ARHGAP39: variants seen among roughly 807,000 people sequenced by gnomAD.
The protein encoded by ARHGAP39 is Rho GTPase activating protein 39.
A neutral mutation model predicts 106.9 loss-of-function variants in ARHGAP39; 44 were observed. That is an observed-to-expected ratio of 0.41 (90% confidence interval 0.32 to 0.53). The LOEUF (loss-of-function observed/expected upper bound fraction) is 0.53. Ranked by LOEUF, ARHGAP39 falls within the 20% of genes least tolerant of loss-of-function variation. The pLI, the probability that ARHGAP39 is intolerant of heterozygous loss-of-function variation, is 0.21. For synonymous variants in ARHGAP39, 768 were observed against 693.2 expected (o/e 1.11, Z -1.69); for missense variants, 1,496 against 1,577.3 (o/e 0.95, Z 0.87).
In ARHGAP39 at chr8:144,684,695, C is replaced by T; in HGVS notation, c.-82+991G>A. Among the ~76,000 whole-genome samples, 1 of 152,204 alleles carries T rather than the reference C, an allele frequency of 6.6e-6. No individual in the cohort carries two copies. The highest frequency in any genetic ancestry group is 6.5e-5 in the Admixed American group (1 of 15,284). Reference sequence around the variant, plus strand: ...CCCGCCTCTCTCGCCGCCCTGGGCACGGAACGCCGCCTCCACCCACAGCAC... The same window carrying T: ...CCCGCCTCTCTCGCCGCCCTGGGCATGGAACGCCGCCTCCACCCACAGCAC... On this transcript the variant is annotated intron_variant, in intron 1 of 11. Transcript: ENST00000377307. The surrounding 1 kb of genome is among the most constrained non-coding windows in gnomAD (Gnocchi z 4.4).
In ARHGAP39 at chr8:144,641,055, T is replaced by G. The variant is rs1024769850; in HGVS notation, c.-81-35360A>C. ...ATAATAAAATGTACACTCAACTAGA[T>G]ATTTTTATTTCTCATCTGCCTGGGC... On this transcript the variant is annotated intron_variant, in intron 1 of 11. Transcript: ENST00000377307. This position sits in a 1 kb window ranked among gnomAD's most constrained non-coding sequence, Gnocchi z 5.2. 4.3e-4 allele frequency among the ~76,000 whole-genome samples: 66 copies of G among 152,322 alleles called. No individual in the cohort carries two copies. Among genetic ancestry groups the G allele is most frequent in the African/African-American group, 1.6e-3 (66 of 41,572 alleles).
intron 1 of ARHGAP39, among the ~76,000 whole-genome samples, chr8:144,639,183 C>A (rs556698311): frequency 2.6e-5 from 4 of 151,694 alleles, no homozygotes; most frequent in Admixed American, 1.3e-4. Flanking sequence ...AAAAATTAGC[C>A]GGGCATGGTG....
intron 1 of ARHGAP39, among the ~76,000 whole-genome samples, chr8:144,677,450 C>T (rs1277276008): frequency 3.3e-5 from 5 of 152,156 alleles, no homozygotes; most frequent in Non-Finnish European, 5.9e-5. Flanking sequence ...ACGGAATAAA[C>T]GGTGATTGAA....
rs1016279757 is a variant in ARHGAP39 at position 144,603,002 on chromosome 8, GGTGT to G, written c.80+2529_80+2532del. Reference sequence around the variant, plus strand: ...GTGTACCTGTGTGCATGTGCGTGGAGGTGTGTGTGCGAGCTCATGTATCTGTGTG... The same window carrying G: ...GTGTACCTGTGTGCATGTGCGTGGAGGTGTGCGAGCTCATGTATCTGTGTG... On this transcript the variant is annotated intron_variant, in intron 2 of 11. Coordinates refer to ENST00000377307, the MANE Select transcript of ARHGAP39 (RefSeq NM_025251.3). Among the ~76,000 whole-genome samples, 46 of 130,802 alleles carry G rather than the reference GGTGT, an allele frequency of 3.5e-4. No individual in the cohort carries two copies. The East Asian group carries it at 8.0e-3, about 23-fold the overall frequency. 85.8% of individuals were successfully genotyped at this position (130,802 alleles called of 152,430 possible). A position where few individuals can be genotyped will look rare whatever the true frequency, so the allele number is the denominator to read the frequency against.
At chr8:144,695,881 C>A in the ARHGAP39 span, among the ~76,000 whole-genome samples, 2 of 152,086 alleles carry the variant, frequency 1.3e-5, no homozygotes, top group Non-Finnish European at 2.9e-5. Context: ...TAATTGCATT[C>A]TTGGATGTGC....
At chr8:144,629,708 G>C in intron 1 of ARHGAP39, among the ~76,000 whole-genome samples, 1 of 152,226 alleles carries the variant, frequency 6.6e-6, no homozygotes, top group Non-Finnish European at 1.5e-5. Flanking sequence ...AGGGGCCTGG[G>C]GCCAGACCTG....
At chr8:144,639,598 G>A (rs796907924) in intron 1 of ARHGAP39, among the ~76,000 whole-genome samples, 17 of 151,688 alleles carry the variant, frequency 1.1e-4, no homozygotes, top group South Asian at 6.3e-4. Context: ...TGGTTGCCAC[G>A]GTAAATTTTG....
chr8:144,644,378 C>T lies in ARHGAP39; in HGVS notation c.-81-38683G>A, dbSNP rs150973893. On this transcript the variant is annotated intron_variant, in intron 1 of 11. Transcript: ENST00000377307. The surrounding 1 kb of genome is among the most constrained non-coding windows in gnomAD (Gnocchi z 4.8). ...CATGAAGTGACCAGGAGCGGCAGATCGGCAGAGATGGAGGCGGCTATGAGG... is the reference window on the plus strand; with the variant it reads ...CATGAAGTGACCAGGAGCGGCAGATTGGCAGAGATGGAGGCGGCTATGAGG... Among the ~76,000 whole-genome samples the T allele has an allele frequency of 2.5e-3, 379 of 152,228 alleles. No individual in the cohort carries two copies. The highest frequency in any genetic ancestry group is 8.4e-3 in the African/African-American group (351 of 41,544).
chr8:144,565,179 G>A (rs112593796), intron 3 of ARHGAP39, among the ~76,000 whole-genome samples: 4,360 of 152,090 alleles, frequency 0.029, 207 homozygotes, highest in African/African-American at 0.1. Flanking sequence ...AGCTACTTGG[G>A]AGGCTGAGAG....
At chr8:144,589,631 G>A (rs1819316810) in intron 2 of ARHGAP39, among the ~76,000 whole-genome samples, 1 of 152,250 alleles carries the variant, frequency 6.6e-6, no homozygotes, top group African/African-American at 2.4e-5. Flanking sequence ...GTTCCGGGAG[G>A]GGCTAGTGTG....
intron 4 of ARHGAP39, among the ~76,000 whole-genome samples, chr8:144,553,350 T>A (rs1334696591): frequency 6.6e-6 from 1 of 152,162 alleles, no homozygotes. Context: ...GCTGGGTGCC[T>A]GCTCTCAACC....
rs116730025 is a variant in ARHGAP39, at chr8:144,621,446, G to A, written c.-81-15751C>T. Among the ~76,000 whole-genome samples the A allele has an allele frequency of 9.6e-3, 1,462 of 152,362 alleles. 22 individuals are homozygous for A. The highest frequency in any genetic ancestry group is 0.033 in the African/African-American group (1,376 of 41,588). ...GCTTCATATCAACACGACAGGGTCC[G>A]GAGTCAAGGTGCCACCCAGAGAAGA... On this transcript the variant is annotated intron_variant, in intron 1 of 11. Transcript: ENST00000377307.
chr8:144,646,117 C>T lies in ARHGAP39; in HGVS notation c.-82+39569G>A, dbSNP rs1241589536. ...CTCCCCACCGGTGGCACCAAATGTC[C>T]GCCAGCAAGGACGGACACATCGCAA... is the stretch of plus-strand genomic sequence containing the variant. On this transcript the variant is annotated intron_variant, in intron 1 of 11. Coordinates refer to ENST00000377307, the MANE Select transcript of ARHGAP39 (RefSeq NM_025251.3). This position sits in a 1 kb window ranked among gnomAD's most constrained non-coding sequence, Gnocchi z 5.7. Among the ~76,000 whole-genome samples the T allele has an allele frequency of 1.3e-5, 2 of 152,174 alleles. No individual in the cohort carries two copies. The highest frequency in any genetic ancestry group is 2.9e-5 in the Non-Finnish European group (2 of 68,042).
Position 144,531,001 on chromosome 8 carries a change from G to C in ARHGAP39, c.2981-130C>G, listed in dbSNP as rs544732972. 3.0e-4 allele frequency: 371 copies of C among 1,236,152 alleles called. 4 individuals carry two copies. In the African/African-American group the frequency reaches 4.9e-3, roughly 16 times the overall value. The allele number at this position is 1,236,152 out of a possible 1,614,324, so 76.6% of individuals were successfully genotyped here. A position where few individuals can be genotyped will look rare whatever the true frequency, so the allele number is the denominator to read the frequency against. ...TGGGAGGGCCGGCTCATTCTGGACA[G>C]GGCCCATCTGGCCAGGCTGGGCCCT... On this transcript the variant is annotated intron_variant, in intron 10 of 11. Coordinates refer to ENST00000377307, the MANE Select transcript of ARHGAP39 (RefSeq NM_025251.3).
chr8:144,640,430 C>T (rs906577807), intron 1 of ARHGAP39, among the ~76,000 whole-genome samples: 5 of 152,170 alleles, frequency 3.3e-5, no homozygotes, highest in Non-Finnish European at 5.9e-5. Context: ...AAATGGGAGT[C>T]TCCCTGCACA....
At chr8:144,588,118 C>T (rs981225570) in intron 2 of ARHGAP39, among the ~76,000 whole-genome samples, 13 of 152,208 alleles carry the variant, frequency 8.5e-5, no homozygotes, top group Non-Finnish European at 1.9e-4. Context: ...GGCAGGGACA[C>T]GGGTTGGCCA....
intron 6 of ARHGAP39, among the ~76,000 whole-genome samples, 153 bp from the exon 7 acceptor site, chr8:144,537,966 CTG>C (rs1368996632): frequency 6.6e-6 from 1 of 152,198 alleles, no homozygotes; most frequent in African/African-American, 2.4e-5. Context: ...GGGGACGTGG[CTG>C]TGTGAGTGGC....
At chr8:144,581,435 C>G (rs948924168) in intron 2 of ARHGAP39, among the ~76,000 whole-genome samples, 158 bp from the exon 3 acceptor site, 6 of 152,234 alleles carry the variant, frequency 3.9e-5, no homozygotes, top group African/African-American at 1.4e-4. Context: ...CTGCTGTGCT[C>G]CTGAGCACCC....
chr8:144,653,962 C>T (rs1386928789), intron 1 of ARHGAP39, among the ~76,000 whole-genome samples: 11 of 152,058 alleles, frequency 7.2e-5, no homozygotes, highest in African/African-American at 9.6e-5. Flanking sequence ...TTCCAGACCA[C>T]GCGGACAGAG....
Sources: gnomAD v4.1 joint callset for allele counts (sites outside exome capture counted in the v4.1 genomes callset) on GRCh38, gnomAD v4.1.1 for gene constraint, Gnocchi (gnomAD v3.1) non-coding constraint, MANE v1.5 for transcripts, NCBI Gene and HGNC (gene_info 2026-07-23, HGNC 2026-07-21) for gene names.